ADAMTSL1: variants seen among roughly 807,000 people sequenced by gnomAD.
ADAMTSL1 encodes the protein ADAMTS like 1.
ADAMTSL1 carries 126 observed loss-of-function variants against 201.8 expected under a neutral mutation model. That is an observed-to-expected ratio of 0.62 (90% CI 0.54 to 0.72). The LOEUF (loss-of-function observed/expected upper bound fraction) is 0.72, where lower values mean the gene tolerates loss of function less well. Ranked by LOEUF, ADAMTSL1 falls within the 30% of genes least tolerant of loss-of-function variation. The pLI is 0.00. For synonymous variants in ADAMTSL1, 1,121 were observed against 903.4 expected, an observed-to-expected ratio of 1.24 and a Z score of -4.32; for missense variants, 2,679 against 2,277.8, an observed-to-expected ratio of 1.18 and a Z score of -3.59.
chr9:18,552,584 T>C (rs540938256), intron 3 of ADAMTSL1, among the ~76,000 whole-genome samples: 1 of 151,912 alleles, frequency 6.6e-6, no homozygotes, highest in African/African-American at 2.4e-5. Flanking sequence ...TTATTAAATG[T>C]CCTAGTTCTT....
At chr9:18,844,103 G>T (rs901617981) in intron 23 of ADAMTSL1, among the ~76,000 whole-genome samples, 2 of 152,208 alleles carry the variant, frequency 1.3e-5, no homozygotes, top group Admixed American at 1.3e-4. Flanking sequence ...TGGATGAGGA[G>T]AGGTGCTCTG....
chr9:18,094,186 A>G (rs1374979574), intron 1 of ADAMTSL1, among the ~76,000 whole-genome samples: 1 of 152,174 alleles, frequency 6.6e-6, no homozygotes, highest in African/African-American at 2.4e-5. Context: ...TAAAATTTTA[A>G]TGTGTTCTTT....
rs770464565 is a variant in ADAMTSL1, at chr9:18,906,886, G to A, written c.5156G>A (p.Arg1719His). The A allele has an allele frequency of 2.0e-5, 33 of 1,613,844 alleles. No individual in the cohort carries two copies. In the East Asian group the frequency reaches 3.1e-4, roughly 15 times the overall value. ...GGGCCCCGGCCTGCCAACTGGCAGC[G>A]CTGCAACATCACCCCATGTGAAAAC... The part of the protein sequence containing the change: ...SWGPRPANWQ[R>H]CNITPCENME... Residue 1719 changes from arginine (R) to histidine (H), a missense_variant, in exon 28 of 29, where the codon CGC (arginine) becomes CAC (histidine). Transcript: ENST00000380548.
In ADAMTSL1 at chr9:18,060,747, G is replaced by C. The variant is rs372592817; in HGVS notation, c.88-103115G>C. Among the ~76,000 whole-genome samples, 64 of 152,128 alleles carry C rather than the reference G, an allele frequency of 4.2e-4. No homozygotes were observed. The East Asian group carries it at 0.012, about 29-fold the overall frequency. ...ATCCTGAACTTTTAGAAATTCTCAG[G>C]TTCTCTGTTTTTAGAATATGCTTCA... On this transcript the variant is annotated intron_variant, in intron 1 of 29. Transcript: ENST00000680146.
chr9:18,185,215 T>C (rs1227538452), intron 2 of ADAMTSL1, among the ~76,000 whole-genome samples: 1 of 152,060 alleles, frequency 6.6e-6, no homozygotes, highest in Non-Finnish European at 1.5e-5. Context: ...GACGACAGGA[T>C]ATTATTCCTC....
intron 2 of ADAMTSL1, among the ~76,000 whole-genome samples, chr9:18,323,257 TA>T (rs928900478): frequency 2.6e-5 from 4 of 152,154 alleles, no homozygotes; most frequent in Admixed American, 2.0e-4. Flanking sequence ...CAATGTGGCA[TA>T]CCACAATAAG....
intron 1 of ADAMTSL1, among the ~76,000 whole-genome samples, chr9:18,034,770 G>A (rs976563919): frequency 6.6e-6 from 1 of 151,924 alleles, no homozygotes; most frequent in Non-Finnish European, 1.5e-5. Context: ...AAGTTGTTTT[G>A]TTTCTATTTT....
At chr9:18,751,879 G>A (rs1819491345) in intron 15 of ADAMTSL1, among the ~76,000 whole-genome samples, 1 of 35,860 alleles carries the variant, frequency 2.8e-5, no homozygotes, top group Admixed American at 2.1e-4. Context: ...TCACGAGGTC[G>A]GGAGATCGAG....
At chr9:17,920,113 G>C (rs1330849642) in intron 1 of ADAMTSL1, among the ~76,000 whole-genome samples, 2 of 152,064 alleles carry the variant, frequency 1.3e-5, no homozygotes, top group Non-Finnish European at 2.9e-5. Flanking sequence ...TGTTTTATTA[G>C]AGTTAACAAC....
intron 23 of ADAMTSL1, among the ~76,000 whole-genome samples, chr9:18,847,051 C>A (rs2131351168): frequency 6.6e-6 from 1 of 152,326 alleles, no homozygotes; most frequent in East Asian, 1.9e-4. Flanking sequence ...TTGCTAAGTC[C>A]TGCTCATTTC....
chr9:18,520,340 AG>A (rs1410136880), intron 2 of ADAMTSL1, among the ~76,000 whole-genome samples: 1 of 152,236 alleles, frequency 6.6e-6, no homozygotes, highest in Non-Finnish European at 1.5e-5. Context: ...CTCCACAATA[AG>A]TTTTAGTAAC....
intron 1 of ADAMTSL1, among the ~76,000 whole-genome samples, chr9:18,074,336 T>A (rs1199940769): frequency 6.6e-6 from 1 of 152,150 alleles, no homozygotes; most frequent in Non-Finnish European, 1.5e-5. Context: ...GTGCATAGAA[T>A]GGAGATTCCT....
chr9:18,750,951 C>A (rs7039006), intron 15 of ADAMTSL1, among the ~76,000 whole-genome samples: 2 of 152,094 alleles, frequency 1.3e-5, no homozygotes, highest in South Asian at 2.1e-4. Flanking sequence ...GGCTGGCTTC[C>A]CCACCACCGT....
intron 1 of ADAMTSL1, among the ~76,000 whole-genome samples, chr9:18,049,212 C>T (rs924676491): frequency 2.0e-5 from 3 of 152,166 alleles, no homozygotes; most frequent in African/African-American, 4.8e-5. Context: ...GTCACATTCC[C>T]AGTTACCATG....
intron 1 of ADAMTSL1, among the ~76,000 whole-genome samples, chr9:18,497,954 A>G (rs898650611): frequency 4.6e-5 from 7 of 152,248 alleles, no homozygotes; most frequent in Middle Eastern, 3.2e-3. Context: ...TTTCCTAAAA[A>G]GTGATGAAGC....
rs5896789 is a variant in ADAMTSL1 at position 18,603,341 on chromosome 9, A to ATATGCTATGCTATGCTATGC, written c.475-18843_475-18824dup. Among the ~76,000 whole-genome samples the ATATGCTATGCTATGCTATGC allele has an allele frequency of 1.3e-4, 15 of 118,566 alleles. 1 individual carries two copies. The highest frequency in any genetic ancestry group is 3.0e-4 in the South Asian group (1 of 3,348). The allele number at this position is 118,566 out of a possible 152,430, so 77.8% of individuals were successfully genotyped here. On this transcript the variant is annotated intron_variant, in intron 4 of 28. Coordinates refer to ENST00000380548, the MANE Select transcript of ADAMTSL1 (RefSeq NM_001040272.6). ...TTTAGATCCATCTGTCTCCAAAGCT[A>ATATGCTATGCTATGCTATGC]TATGCTATGCTATGCTATGCTATGC...
intron 1 of ADAMTSL1, among the ~76,000 whole-genome samples, chr9:17,933,258 C>A (rs1826870288): frequency 6.6e-6 from 1 of 152,106 alleles, no homozygotes; most frequent in African/African-American, 2.4e-5. Context: ...CTATATCACT[C>A]CACTCTCTGC....
intron 1 of ADAMTSL1, among the ~76,000 whole-genome samples, chr9:18,140,696 G>A (rs1826361777): frequency 6.6e-6 from 1 of 152,158 alleles, no homozygotes; most frequent in Non-Finnish European, 1.5e-5. Flanking sequence ...GAGAATGGTG[G>A]GAGCATGCCT....
intron 2 of ADAMTSL1, among the ~76,000 whole-genome samples, chr9:18,438,222 A>G (rs534717096): frequency 7.4e-6 from 1 of 135,766 alleles, no homozygotes; most frequent in East Asian, 2.0e-4. Flanking sequence ...AGGGGGAGAG[A>G]TGGAGAAAAA....
Sources: allele counts gnomAD v4.1 joint callset (sites outside exome capture counted in the v4.1 genomes callset), GRCh38; gene constraint gnomAD v4.1.1; transcripts MANE v1.5; gene names NCBI Gene and HGNC (gene_info 2026-07-23, HGNC 2026-07-21).